The following DNAJC11 variants were observed in gnomAD, a reference collection of about 807,000 sequenced individuals.
DNAJC11 encodes the protein DnaJ heat shock protein family (Hsp40) member C11.
Under a neutral mutation model 78.6 loss-of-function variants are expected in DNAJC11, and 15 were observed. The observed-to-expected ratio is 0.19, with a 90% confidence interval of 0.13 to 0.29. The LOEUF (loss-of-function observed/expected upper bound fraction) is 0.29. Among genes scored for constraint, DNAJC11 ranks in the 10% least tolerant of loss-of-function variants. DNAJC11 has a pLI of 1.00. For missense variants in DNAJC11, 547 were observed against 709.6 expected (o/e 0.77, Z 2.60); for synonymous variants, 292 against 272.1 (o/e 1.07, Z -0.72).
intron 4 of DNAJC11, among the ~76,000 whole-genome samples, chr1:6,658,373 T>C (rs1642162191): frequency 6.6e-6 from 1 of 152,232 alleles, no homozygotes; most frequent in African/African-American, 2.4e-5. Flanking sequence ...AATCCTGGTA[T>C]ATGATCTGGG....
chr1:6,686,414 CA>C (rs1642658495), intron 1 of DNAJC11, among the ~76,000 whole-genome samples: 1 of 152,208 alleles, frequency 6.6e-6, no homozygotes, highest in Non-Finnish European at 1.5e-5. Flanking sequence ...CCAAAAATTT[CA>C]ATGGCTTATT....
Position 6,645,948 on chromosome 1 carries a change from A to C in DNAJC11, c.735T>G (p.Phe245Leu), listed in dbSNP as rs1486840698. ...CFVTTNCALQ[F>L]SSRGIRPGLT... ...GGCCGGGTCGGATTCCACGGGATGA[A>C]AACTGCAGAGCACAGTTTGTTGTCA... Residue 245 changes from phenylalanine (F) to leucine (L), a missense_variant, in exon 8 of 16, where the codon TTT (phenylalanine) becomes TTG (leucine). Coordinates refer to ENST00000377577, the MANE Select transcript of DNAJC11 (RefSeq NM_018198.4). The surrounding 1 kb of genome is among the most constrained non-coding windows in gnomAD (Gnocchi z 4.1). 2 of 1,614,016 alleles carry C rather than the reference A, an allele frequency of 1.2e-6. No individual in the cohort carries two copies. The highest frequency in any genetic ancestry group is 1.7e-6 in the Non-Finnish European group (2 of 1,180,010).
At chr1:6,642,794 C>G (rs1214404691) in intron 10 of DNAJC11, among the ~76,000 whole-genome samples, 2 of 152,142 alleles carry the variant, frequency 1.3e-5, no homozygotes, top group African/African-American at 2.4e-5. Context: ...TACGTGACAT[C>G]TGAGATGCTG....
At chr1:6,648,823 T>C (rs1208167791) in intron 7 of DNAJC11, among the ~76,000 whole-genome samples, 1 of 152,172 alleles carries the variant, frequency 6.6e-6, no homozygotes, top group South Asian at 2.1e-4. Flanking sequence ...ACAACACTGA[T>C]GTGTATACAG....
In DNAJC11 at chr1:6,658,402, G is replaced by A. The variant is rs1220094415; in HGVS notation, c.379-4363C>T. On this transcript the variant is annotated intron_variant, in intron 4 of 15. Coordinates refer to ENST00000377577, the MANE Select transcript of DNAJC11 (RefSeq NM_018198.4). ...ATCTGGGTCAACTGAGTAATTATAT[G>A]GTCACCGCAATGTATATAGTGAATA... 2.6e-5 allele frequency among the ~76,000 whole-genome samples: 4 copies of A among 152,148 alleles called. No homozygotes were observed. In the East Asian group the frequency reaches 7.7e-4, roughly 29 times the overall value.
At chr1:6,700,962 T>G (rs185133058) in intron 1 of DNAJC11, among the ~76,000 whole-genome samples, 3 of 152,054 alleles carry the variant, frequency 2.0e-5, no homozygotes, top group Non-Finnish European at 4.4e-5. Context: ...AACAAAGGAG[T>G]GTAGTGGGGC....
chr1:6,681,133 C>A, intron 1 of DNAJC11, 96 bp from the exon 2 acceptor site: 1 of 1,328,794 alleles, frequency 7.5e-7, no homozygotes, highest in Non-Finnish European at 1.0e-6. Flanking sequence ...TCAGCCACGT[C>A]CCAATGTGTT....
chr1:6,640,063 G>C lies in DNAJC11; in HGVS notation c.1098-6C>G. On this transcript the variant is annotated splice_region_variant and splice_polypyrimidine_tract_variant and intron_variant, in intron 10 of 15. Coordinates refer to ENST00000377577, the MANE Select transcript of DNAJC11 (RefSeq NM_018198.4). ...TCTGACTGGCCCTGTTGAGCCTGGGGAAAAATACAAAAAAAAAAAAAAAAA... is the reference window on the plus strand; with the variant it reads ...TCTGACTGGCCCTGTTGAGCCTGGGCAAAAATACAAAAAAAAAAAAAAAAA... 6.6e-6 allele frequency: 5 copies of C among 753,934 alleles called. No homozygotes were observed. Among genetic ancestry groups the C allele is most frequent in the East Asian group, 4.7e-5 (1 of 21,146 alleles). The allele number at this position is 753,934 out of a possible 1,614,324, so 46.7% of individuals were successfully genotyped here.
At chr1:6,682,964 CCA>C (rs1311063478) in intron 1 of DNAJC11, among the ~76,000 whole-genome samples, 1 of 152,116 alleles carries the variant, frequency 6.6e-6, no homozygotes, top group Admixed American at 6.6e-5. Context: ...TTAAAGCAGG[CCA>C]CAGAGAGCTT....
At chr1:6,667,915 G>C (rs1210753373) in intron 3 of DNAJC11, 105 bp from the exon 4 acceptor site, 1 of 1,045,498 alleles carries the variant, frequency 9.6e-7, no homozygotes, top group African/African-American at 1.6e-5. Flanking sequence ...TGCTGCCTGG[G>C]GTCCGGCCAC....
rs1642087759 is a variant in DNAJC11, at chr1:6,653,683, A to G, written c.507+228T>C. 1 of 446,086 alleles carries G rather than the reference A, an allele frequency of 2.2e-6. No homozygotes were observed. The highest frequency in any genetic ancestry group is 3.7e-5 in the Admixed American group (1 of 27,274). The allele number at this position is 446,086 out of a possible 1,614,324, so 27.6% of individuals were successfully genotyped here. On this transcript the variant is annotated intron_variant, in intron 5 of 15. Transcript: ENST00000377577. This position sits in a 1 kb window ranked among gnomAD's most constrained non-coding sequence, Gnocchi z 4.5. ...ACACCCTCTGCTGGAAAGGCCCAAG[A>G]CCTTGGGAGCCAAGTGCCCCAGCCC...
chr1:6,663,827 C>A (rs996143762), intron 4 of DNAJC11, among the ~76,000 whole-genome samples: 16 of 152,224 alleles, frequency 1.1e-4, no homozygotes, highest in Non-Finnish European at 4.4e-5. Flanking sequence ...GAGCTAAGGA[C>A]TGTGGGGTCC....
chr1:6,659,229 GTCT>G (rs1185311985), intron 4 of DNAJC11, among the ~76,000 whole-genome samples: 1 of 142,886 alleles, frequency 7.0e-6, no homozygotes, highest in Non-Finnish European at 1.5e-5. Context: ...GAAATGGAAT[GTCT>G]TCAACTCCTA....
At chr1:6,686,663 G>A (rs1368295728) in intron 1 of DNAJC11, among the ~76,000 whole-genome samples, 1 of 152,196 alleles carries the variant, frequency 6.6e-6, no homozygotes, top group Non-Finnish European at 1.5e-5. Flanking sequence ...ACACTAACTA[G>A]CAAGTGCAGT....
Position 6,635,442 on chromosome 1 carries a change from A to G in DNAJC11, c.*233T>C. ...TCCAGGAACTGATCCTTGGGAAAAC[A>G]GCCATGGGCCAGGCTGCAGTCTGGT... is the stretch of plus-strand genomic sequence containing the variant. On this transcript the variant is annotated 3_prime_UTR_variant, in exon 16 of 16. Coordinates refer to ENST00000377577, the MANE Select transcript of DNAJC11 (RefSeq NM_018198.4). 3 of 513,126 alleles carry G rather than the reference A, an allele frequency of 5.8e-6. No homozygotes were observed. The highest frequency in any genetic ancestry group is 5.2e-4 in the Middle Eastern group (1 of 1,914). 31.8% of individuals were successfully genotyped at this position (513,126 alleles called of 1,614,324 possible).
At chr1:6,648,465 TTTTTC>T (rs1230833724) in intron 7 of DNAJC11, among the ~76,000 whole-genome samples, 2 of 151,396 alleles carry the variant, frequency 1.3e-5, no homozygotes, top group Admixed American at 6.6e-5. Context: ...CAGCATTTCT[TTTTTC>T]TTTTGAGAGA....
chr1:6,693,512 T>C (rs927497087), intron 1 of DNAJC11, among the ~76,000 whole-genome samples: 1 of 151,718 alleles, frequency 6.6e-6, no homozygotes, highest in African/African-American at 2.4e-5. Flanking sequence ...GCCTCCCGAG[T>C]AGCTGGGATT....
rs1553127461 is a variant in DNAJC11 at position 6,644,688 on chromosome 1, A to G, written c.981-14T>C. On this transcript the variant is annotated splice_polypyrimidine_tract_variant and intron_variant, in intron 9 of 15. Coordinates refer to ENST00000377577, the MANE Select transcript of DNAJC11 (RefSeq NM_018198.4). ...AAGAAGCCTGCTCTGCAGGGAGAGA[A>G]CGCGGTCTGTGCCTGTGCCCCTCAT... The G allele has an allele frequency of 4.4e-6, 7 of 1,605,988 alleles. No individual in the cohort carries two copies. Among genetic ancestry groups the G allele is most frequent in the Non-Finnish European group, 6.0e-6 (7 of 1,172,548 alleles).
At chr1:6,639,328 C>T (rs931017792) in intron 11 of DNAJC11, among the ~76,000 whole-genome samples, 4 of 136,820 alleles carry the variant, frequency 2.9e-5, no homozygotes, top group Admixed American at 1.5e-4. Context: ...AGGATCAACA[C>T]TTTTTTTTTT....
Sources: gnomAD v4.1 joint callset for allele counts (sites outside exome capture counted in the v4.1 genomes callset) on GRCh38, gnomAD v4.1.1 for gene constraint, Gnocchi (gnomAD v3.1) non-coding constraint, MANE v1.5 for transcripts, NCBI Gene and HGNC (gene_info 2026-07-23, HGNC 2026-07-21) for gene names.